PZP: variants seen among roughly 807,000 people sequenced by gnomAD.
PZP encodes pregnancy zone protein.
Under a neutral mutation model 179.8 loss-of-function variants are expected in PZP, and 150 were observed. The ratio of observed to expected loss-of-function variants is 0.83; its 90% CI spans 0.73 to 0.96. The LOEUF (loss-of-function observed/expected upper bound fraction) is 0.96, where lower values mean the gene tolerates loss of function less well. PZP is among the 40% of genes least tolerant of loss of function. The pLI is 0.00. For missense variants in PZP, 1,689 were observed against 1,764.0 expected (o/e 0.96, Z 0.76); for synonymous variants, 624 against 652.3 (o/e 0.96, Z 0.66).
chr12:9,204,075 A>G (rs1369615382), intron 1 of PZP, 124 bp from the exon 2 acceptor site: 5 of 1,003,008 alleles, frequency 5.0e-6, no homozygotes, highest in South Asian at 1.8e-5. Context: ...AAGTCAATGG[A>G]CTAAGTCAAT....
intron 16 of PZP, 148 bp from the exon 17 acceptor site, chr12:9,169,122 T>G: frequency 1.6e-6 from 1 of 613,402 alleles, no homozygotes; most frequent in East Asian, 2.9e-5. Flanking sequence ...GTAGTGAAAT[T>G]ACTAAACTTA....
intron 19 of PZP, among the ~76,000 whole-genome samples, 168 bp from the exon 20 acceptor site, chr12:9,164,427 C>A (rs1365362119): frequency 6.6e-6 from 1 of 152,138 alleles, no homozygotes; most frequent in Non-Finnish European, 1.5e-5. Flanking sequence ...GGCAATGATA[C>A]AAATCAAGAT....
At chr12:9,150,510 T>G in intron 34 of PZP, 134 bp downstream of exon 34, 21 of 604,434 alleles carry the variant, frequency 3.5e-5, no homozygotes, top group Non-Finnish European at 2.5e-5. Context: ...AGTAAGTCGT[T>G]TTTATAGTGT....
intron 17 of PZP, among the ~76,000 whole-genome samples, chr12:9,168,104 T>C (rs1275885416): frequency 6.6e-6 from 1 of 152,226 alleles, no homozygotes; most frequent in Non-Finnish European, 1.5e-5. Context: ...ATCAAAGTTC[T>C]TAATTTGTGT....
At position 9,208,284 on chromosome 12, in the gene PZP, C is replaced by A. The variant is rs759662308; in HGVS notation, c.58G>T (p.Ala20Ser). The change falls in exon 1 of 36, where the codon GCC becomes TCC. Residue 20 changes from alanine to serine, a missense_variant. By Grantham distance (99) the Ala-to-Ser change is moderately conservative. Transcript: ENST00000261336. ...CLVLLLILLS[A>S]SDSNSTEPQY... is the part of the protein sequence containing the mutation. ...GGTTCTGTAGAGTTTGAGTCACTGG[C>A]AGAAAGCAGGATAAGAAGTAGCACA... The A allele has an allele frequency of 1.6e-5, 26 of 1,613,462 alleles. No homozygotes were observed. Among genetic ancestry groups the A allele is most frequent in the Non-Finnish European group, 1.9e-5 (22 of 1,179,628 alleles).
intron 15 of PZP, among the ~76,000 whole-genome samples, chr12:9,179,727 T>C (rs1046408901): frequency 2.6e-5 from 4 of 152,226 alleles, no homozygotes; most frequent in African/African-American, 9.6e-5. Flanking sequence ...TCCAAACTAA[T>C]ACTTTGGCAA....
chr12:9,172,098 C>T (rs1313692024), intron 15 of PZP, among the ~76,000 whole-genome samples: 1 of 152,116 alleles, frequency 6.6e-6, no homozygotes. Flanking sequence ...GAGAGAAAGG[C>T]CAAGTCACCT....
At chr12:9,190,604 GAA>G (rs1943404938) in intron 13 of PZP, among the ~76,000 whole-genome samples, 1 of 152,088 alleles carries the variant, frequency 6.6e-6, no homozygotes, top group Non-Finnish European at 1.5e-5. Flanking sequence ...AGTAGGCTTA[GAA>G]CCTGGGTAAC....
intron 21 of PZP, 117 bp from the exon 22 acceptor site, chr12:9,162,765 C>G (rs1411874704): frequency 1.2e-6 from 1 of 839,440 alleles, no homozygotes; most frequent in African/African-American, 1.7e-5. Context: ...CCATCCTACT[C>G]TTTTTTTCCC....
chr12:9,156,985 T>C (rs906374589), intron 28 of PZP, among the ~76,000 whole-genome samples, 190 bp downstream of exon 28: 1 of 152,174 alleles, frequency 6.6e-6, no homozygotes, highest in African/African-American at 2.4e-5. Context: ...GCAGGTTTGT[T>C]ACATAGGTGT....
chr12:9,173,686 A>G (rs988902937), intron 15 of PZP, among the ~76,000 whole-genome samples: 19 of 152,228 alleles, frequency 1.2e-4, no homozygotes, highest in African/African-American at 4.6e-4. Context: ...ACCATCCGCA[A>G]ATACTATAAA....
chr12:9,148,209 TACTTC>T (rs1445403559), downstream of PZP, among the ~76,000 whole-genome samples: 2 of 152,214 alleles, frequency 1.3e-5, no homozygotes, highest in African/African-American at 4.8e-5. Flanking sequence ...ACATGTACAT[TACTTC>T]ATATAGTTGT....
At chr12:9,202,425 G>A (rs1469023302) in intron 3 of PZP, 54 bp from the exon 4 acceptor site, 1 of 1,613,274 alleles carries the variant, frequency 6.2e-7, no homozygotes, top group African/African-American at 1.3e-5. Context: ...GGTAATTTGG[G>A]TAATAAGACA....
chr12:9,197,474 TA>T (rs1408525267), intron 7 of PZP, among the ~76,000 whole-genome samples: 1 of 130,466 alleles, frequency 7.7e-6, no homozygotes, highest in Non-Finnish European at 1.5e-5. Context: ...ATATAATATA[TA>T]ATAATATAAT....
At chr12:9,204,215 T>C (rs980937280) in intron 1 of PZP, among the ~76,000 whole-genome samples, 2 of 152,198 alleles carry the variant, frequency 1.3e-5, no homozygotes, top group Non-Finnish European at 2.9e-5. Context: ...AGGCATTCCT[T>C]GCTGTAAAGA....
At position 9,159,885 on chromosome 12, in the gene PZP, A is replaced by G. The variant is rs143303368; in HGVS notation, c.3137+53T>C. 1.2e-3 allele frequency: 1,668 copies of G among 1,423,796 alleles called. 18 individuals carry two copies. The highest frequency in any genetic ancestry group is 2.9e-3 in the East Asian group (128 of 43,892). 88.2% of individuals were successfully genotyped at this position (1,423,796 alleles called of 1,614,324 possible). On this transcript the variant is annotated intron_variant, in intron 25 of 35. Coordinates refer to ENST00000261336, the MANE Select transcript of PZP (RefSeq NM_002864.3). ...GAAAATGGACTAAGACAGGTAATCT[A>G]TGTGCACGTTCTGAACTCATAGTTG...
intron 13 of PZP, among the ~76,000 whole-genome samples, chr12:9,185,319 AG>A (rs1943033613): frequency 6.6e-6 from 1 of 152,250 alleles, no homozygotes; most frequent in African/African-American, 2.4e-5. Context: ...GACCAAGCTG[AG>A]GAAAGAATCT....
chr12:9,160,214 A>C, intron 24 of PZP, 100 bp downstream of exon 24: 1 of 1,257,478 alleles, frequency 8.0e-7, no homozygotes, highest in Non-Finnish European at 1.1e-6. Context: ...TGTTTTCATA[A>C]AAATTATCAT....
At chr12:9,195,445 T>C (rs2121142495) in intron 10 of PZP, among the ~76,000 whole-genome samples, 1 of 150,672 alleles carries the variant, frequency 6.6e-6, no homozygotes, top group East Asian at 2.0e-4. Context: ...TTCCTTCCCC[T>C]TTCCTTCTTT....
Sources: gnomAD v4.1 joint callset for allele counts (sites outside exome capture counted in the v4.1 genomes callset) on GRCh38, gnomAD v4.1.1 for gene constraint, MANE v1.5 for transcripts, NCBI Gene and HGNC (gene_info 2026-07-23, HGNC 2026-07-21) for gene names.